The following STYK1 variants were observed in gnomAD, a reference collection of about 807,000 sequenced individuals.
STYK1 encodes STY kinase 1.
A neutral mutation model predicts 48.1 loss-of-function variants in STYK1; 46 were observed. That is an observed-to-expected ratio of 0.96 (90% CI 0.75 to 1.22). The LOEUF is 1.22. Ranked by LOEUF, STYK1 falls within the 50% of genes most tolerant of loss-of-function variation. STYK1 has a pLI of 0.00. For synonymous variants in STYK1, 188 were observed against 189.0 expected (o/e 0.99, Z 0.04); for missense variants, 527 against 521.1 (o/e 1.01, Z -0.11).
chr12:10,642,747 C>G (rs1415131577), intron 1 of STYK1, among the ~76,000 whole-genome samples: 1 of 152,152 alleles, frequency 6.6e-6, no homozygotes, highest in East Asian at 1.9e-4. Context: ...AATAGTACAG[C>G]TGCCAGTAGA....
chr12:10,642,588 A>T (rs1282898039), intron 1 of STYK1, among the ~76,000 whole-genome samples: 1 of 152,200 alleles, frequency 6.6e-6, no homozygotes, highest in African/African-American at 2.4e-5. Flanking sequence ...AAAAATAACA[A>T]AATGAAACAA....
chr12:10,624,411 G>T (rs1186540579), intron 8 of STYK1, among the ~76,000 whole-genome samples: 1 of 151,970 alleles, frequency 6.6e-6, no homozygotes, highest in Admixed American at 6.6e-5. Context: ...GCAACACAGT[G>T]AGATCCTGTC....
chr12:10,629,378 T>G, intron 6 of STYK1, 115 bp downstream of exon 6: 1 of 1,059,050 alleles, frequency 9.4e-7, no homozygotes, highest in Non-Finnish European at 1.4e-6. Flanking sequence ...TCCCTTATTC[T>G]GTCATGCTAT....
At chr12:10,622,750 GA>G in intron 8 of STYK1, 72 bp from the exon 9 acceptor site, 1 of 1,582,016 alleles carries the variant, frequency 6.3e-7, no homozygotes, top group East Asian at 2.2e-5. Flanking sequence ...TTAAGTGTCA[GA>G]AGCCTTTAAT....
chr12:10,650,494 G>C (rs773912928), intron 1 of STYK1, among the ~76,000 whole-genome samples: 2 of 152,200 alleles, frequency 1.3e-5, no homozygotes, highest in South Asian at 2.1e-4. Flanking sequence ...TTTCAAATCA[G>C]TGGTTCCAAC....
intron 1 of STYK1, among the ~76,000 whole-genome samples, chr12:10,666,617 C>T (rs919178728): frequency 3.9e-5 from 6 of 152,158 alleles, no homozygotes; most frequent in Admixed American, 3.9e-4. Flanking sequence ...TCCCCGTAAT[C>T]CCCCCATGTC....
At chr12:10,646,814 T>A (rs1947605092) in intron 1 of STYK1, among the ~76,000 whole-genome samples, 1 of 152,224 alleles carries the variant, frequency 6.6e-6, no homozygotes, top group Non-Finnish European at 1.5e-5. Context: ...TGGTGCCCTG[T>A]GTCCCAGCTG....
chr12:10,656,027 T>G (rs1350494423), intron 1 of STYK1, among the ~76,000 whole-genome samples: 2 of 152,192 alleles, frequency 1.3e-5, no homozygotes, highest in Non-Finnish European at 2.9e-5. Flanking sequence ...GCTCCCATAA[T>G]TCCCATGTGT....
chr12:10,655,507 A>T (rs1947708476), intron 1 of STYK1, among the ~76,000 whole-genome samples: 1 of 152,302 alleles, frequency 6.6e-6, no homozygotes, highest in African/African-American at 2.4e-5. Flanking sequence ...TTCAGCGTTC[A>T]ATTTCTGGTT....
intron 7 of STYK1, among the ~76,000 whole-genome samples, chr12:10,625,227 T>C (rs1020123385): frequency 6.6e-6 from 1 of 151,994 alleles, no homozygotes. Flanking sequence ...TGTTTGTTTG[T>C]TTGTTTGTTT....
Position 10,631,067 on chromosome 12 carries a change from A to T in STYK1, c.429T>A (p.Ser143Arg). 1 of 1,613,940 alleles carries T rather than the reference A, an allele frequency of 6.2e-7. No homozygotes were observed. The highest frequency in any genetic ancestry group is 2.2e-5 in the East Asian group (1 of 44,880). ...TACCTTTTAAAGCCTTGAGAATAAC[A>T]CTCTTGGGCTTAGAAGGGTCCCCAG... ...MNTGDPSKPK[S>R]VILKALKEPA... Residue 143 changes from serine (S) to arginine (R), a missense_variant, in exon 5 of 11, where the codon AGT becomes AGA. Transcript: ENST00000075503.
intron 1 of STYK1, among the ~76,000 whole-genome samples, chr12:10,649,947 C>G (rs1436455170): frequency 1.3e-5 from 2 of 151,618 alleles, no homozygotes; most frequent in African/African-American, 2.4e-5. Context: ...CCCGTCTCTA[C>G]TAAAAAATAC....
intron 4 of STYK1, among the ~76,000 whole-genome samples, 174 bp downstream of exon 4, chr12:10,633,816 G>A (rs1178342902): frequency 4.6e-5 from 7 of 152,124 alleles, no homozygotes; most frequent in South Asian, 2.1e-4. Flanking sequence ...ATTCCAACTC[G>A]GGAATTCCTA....
rs367636221 is a variant in STYK1, at chr12:10,629,532, G to T, written c.594C>A (p.Ala198=). Residue 198 remains alanine, a synonymous_variant, in exon 6 of 11, where the codon GCC becomes GCA. Transcript: ENST00000075503. ...AGAGAAAGCTGAGCAGGTCCCCCTGGGCCACATCCTCCAACACCATATAGA... is the reference window on the plus strand; with the variant it reads ...AGAGAAAGCTGAGCAGGTCCCCCTGTGCCACATCCTCCAACACCATATAGA... The part of the protein sequence containing the change: ...LPLYMVLEDV[A]QGDLLSFLWT... 2.0e-5 allele frequency: 32 copies of T among 1,613,998 alleles called. No homozygotes were observed. In the African/African-American group the frequency reaches 3.9e-4, roughly 20 times the overall value.
chr12:10,621,936 A>G lies in STYK1; in HGVS notation c.1004T>C (p.Ile335Thr). 1 of 1,613,924 alleles carries G rather than the reference A, an allele frequency of 6.2e-7. No homozygotes were observed. The highest frequency in any genetic ancestry group is 1.1e-5 in the South Asian group (1 of 91,080). Residue 335 changes from isoleucine (I) to threonine (T), a missense_variant, in exon 10 of 11, where the codon ATC becomes ACC. Ile to Thr is a moderately conservative substitution (Grantham distance 89). Coordinates refer to ENST00000075503, the MANE Select transcript of STYK1 (RefSeq NM_018423.3). ...PPYPEVPPTSILEHLQRRKIM... is the reference protein window; with the variant it reads ...PPYPEVPPTSTLEHLQRRKIM... The stretch of plus-strand genomic sequence containing the variant: ...TTTCCTTCTTTGGAGATGCTCTAGG[A>G]TGCTGGTAGGAGGGACTTCAGGATA...
rs1947897270 is a variant in STYK1 at position 10,672,172 on chromosome 12, TA to T, written c.-195+1793del. Among the ~76,000 whole-genome samples, 1 of 152,192 alleles carries T rather than the reference TA, an allele frequency of 6.6e-6. No homozygotes were observed. The highest frequency in any genetic ancestry group is 2.1e-4 in the South Asian group (1 of 4,824). On this transcript the variant is annotated intron_variant, in intron 1 of 10. Transcript: ENST00000075503. The surrounding 1 kb of genome is among the most constrained non-coding windows in gnomAD (Gnocchi z 4.0). ...AATAGATGCAGGCTTCATAACATGT[TA>T]GTTTTGGATAGCCAGCCTACTGAAC...
chr12:10,631,175 C>A lies in STYK1; in HGVS notation c.321G>T (p.Gln107His). 1 of 1,614,214 alleles carries A rather than the reference C, an allele frequency of 6.2e-7. No homozygotes were observed. The highest frequency in any genetic ancestry group is 8.5e-7 in the Non-Finnish European group (1 of 1,180,044). The change falls in exon 5 of 11, where the codon CAG (glutamine) becomes CAT (histidine). Residue 107 changes from glutamine (Q) to histidine (H), a missense_variant. By Grantham distance (24) the Gln-to-His change is conservative. Coordinates refer to ENST00000075503, the MANE Select transcript of STYK1 (RefSeq NM_018423.3). ...GATTPALAKLQVPREQLSEVL... is the reference protein window; with the variant it reads ...GATTPALAKLHVPREQLSEVL... ...CTTCAGAGAGTTGCTCCCGCGGCAC[C>A]TGCAGCTTAGCCAGGGCAGGTGTGG... is the stretch of plus-strand genomic sequence containing the variant.
intron 1 of STYK1, among the ~76,000 whole-genome samples, chr12:10,670,962 A>G (rs1947884862): frequency 6.7e-6 from 1 of 148,756 alleles, no homozygotes; most frequent in African/African-American, 2.5e-5. Context: ...AAAGATGTCC[A>G]TGTCCTAATC....
chr12:10,666,889 A>G (rs1336729959), intron 1 of STYK1, among the ~76,000 whole-genome samples: 1 of 152,216 alleles, frequency 6.6e-6, no homozygotes, highest in Non-Finnish European at 1.5e-5. Context: ...TAAATTACCC[A>G]GTCTTGGGCA....
Sources: allele counts gnomAD v4.1 joint callset (sites outside exome capture counted in the v4.1 genomes callset), GRCh38; gene constraint gnomAD v4.1.1; non-coding constraint Gnocchi (gnomAD v3.1); transcripts MANE v1.5; gene names NCBI Gene and HGNC (gene_info 2026-07-23, HGNC 2026-07-21).